Variants in GABRG1 observed in about 807,000 individuals in gnomAD.
The protein encoded by GABRG1 is gamma-aminobutyric acid receptor subunit gamma-1.
GABRG1 carries 49 observed loss-of-function variants against 49.8 expected under a neutral mutation model. The ratio of observed to expected loss-of-function variants is 0.98; its 90% CI spans 0.78 to 1.25. GABRG1 has a LOEUF of 1.25. GABRG1 is among the 50% of genes most tolerant of loss of function. GABRG1 has a pLI of 0.00. For synonymous variants in GABRG1, 232 were observed against 185.1 expected (o/e 1.25, Z -2.06); for missense variants, 552 against 552.3 (o/e 1.00, Z 0.01).
chr4:46,044,247 C>A (rs1481954533), intron 8 of GABRG1, among the ~76,000 whole-genome samples: 2 of 151,898 alleles, frequency 1.3e-5, no homozygotes, highest in African/African-American at 2.4e-5. Context: ...CCAAGGTGGG[C>A]AGATTTCTTG....
At position 46,098,925 on chromosome 4, in the gene GABRG1, T is replaced by G. The variant is rs1366828596; in HGVS notation, c.105-1576A>C. Among the ~76,000 whole-genome samples the G allele has an allele frequency of 4.0e-5, 6 of 151,748 alleles. No individual in the cohort carries two copies. The East Asian group carries it at 9.7e-4, about 25-fold the overall frequency. On this transcript the variant is annotated intron_variant, in intron 1 of 8. Transcript: ENST00000295452. Reference sequence around the variant, plus strand: ...TTGCTTTTCGTGAAAATATTTTTGTTAAGATGCTTATGAAGATGCTTGTGA... The same window carrying G: ...TTGCTTTTCGTGAAAATATTTTTGTGAAGATGCTTATGAAGATGCTTGTGA...
intron 5 of GABRG1, among the ~76,000 whole-genome samples, chr4:46,060,894 A>G (rs1032666034): frequency 6.6e-5 from 10 of 152,118 alleles, no homozygotes; most frequent in African/African-American, 1.9e-4. Context: ...GAATCTCATG[A>G]TATTAATTTT....
At chr4:46,088,964 G>T (rs1157405940) in intron 2 of GABRG1, among the ~76,000 whole-genome samples, 1 of 151,880 alleles carries the variant, frequency 6.6e-6, no homozygotes, top group African/African-American at 2.4e-5. Context: ...CAGGGAAAAG[G>T]AAAAATAGAA....
chr4:46,105,040 C>T (rs1049955557), intron 1 of GABRG1, among the ~76,000 whole-genome samples: 7 of 151,292 alleles, frequency 4.6e-5, no homozygotes, highest in Admixed American at 1.3e-4. Context: ...AAAGTGGGCA[C>T]GCTATCCTTC....
At chr4:46,059,048 ATAT>A (rs1278827998) in intron 5 of GABRG1, among the ~76,000 whole-genome samples, 3 of 152,040 alleles carry the variant, frequency 2.0e-5, no homozygotes, top group Non-Finnish European at 2.9e-5. Context: ...ATTCTTTGGC[ATAT>A]TATTTTTTTC....
At chr4:46,082,050 G>C (rs1719594865) in intron 3 of GABRG1, among the ~76,000 whole-genome samples, 1 of 151,838 alleles carries the variant, frequency 6.6e-6, no homozygotes, top group Non-Finnish European at 1.5e-5. Context: ...AAGCGAAGGA[G>C]AGGAGTAGAA....
At chr4:46,104,047 T>C (rs1226476439) in intron 1 of GABRG1, among the ~76,000 whole-genome samples, 3 of 151,268 alleles carry the variant, frequency 2.0e-5, no homozygotes, top group African/African-American at 7.3e-5. Context: ...CTCCTTATAT[T>C]AAAAAATAAG....
At position 46,081,793 on chromosome 4, in the gene GABRG1, T is replaced by C. The variant is rs147878261; in HGVS notation, c.321+2193A>G. 5.2e-3 allele frequency among the ~76,000 whole-genome samples: 785 copies of C among 151,718 alleles called. 20 individuals carry two copies. Among genetic ancestry groups the C allele is most frequent in the Admixed American group, 0.042 (640 of 15,138 alleles). ...TAAAGTCAACATGCGGCTTTTAGGG[T>C]GGGCCCTAATACAATATGACTTGTG... is the stretch of plus-strand genomic sequence containing the variant. On this transcript the variant is annotated intron_variant, in intron 3 of 8. Coordinates refer to ENST00000295452, the MANE Select transcript of GABRG1 (RefSeq NM_173536.4).
intron 3 of GABRG1, among the ~76,000 whole-genome samples, chr4:46,083,692 A>G (rs1333406858): frequency 6.8e-6 from 1 of 146,274 alleles, no homozygotes; most frequent in Non-Finnish European, 1.5e-5. Flanking sequence ...AGACTTCCTG[A>G]TTTTTTTTCT....
chr4:46,083,112 A>G (rs900755306), intron 3 of GABRG1, among the ~76,000 whole-genome samples: 10 of 151,496 alleles, frequency 6.6e-5, no homozygotes, highest in African/African-American at 2.4e-4. Flanking sequence ...TCTGATAATG[A>G]CTCTACCATC....
chr4:46,099,621 C>G (rs951765535), intron 1 of GABRG1, among the ~76,000 whole-genome samples: 3 of 151,646 alleles, frequency 2.0e-5, no homozygotes, highest in African/African-American at 7.3e-5. Flanking sequence ...TTCCAAATCT[C>G]ACCAGTTTCT....
At position 46,040,957 on chromosome 4, in the gene GABRG1, C is replaced by A. The variant is rs1458873775; in HGVS notation, c.*31G>T. 6.3e-7 allele frequency: 1 copy of A among 1,586,122 alleles called. No individual in the cohort carries two copies. The highest frequency in any genetic ancestry group is 1.8e-5 in the Admixed American group (1 of 55,970). ...AAAGATTCTACTGAATTTAGTCAGA[C>A]TTCTTTTGATTTTTGCTTATGAAGT... On this transcript the variant is annotated 3_prime_UTR_variant, in exon 9 of 9. Transcript: ENST00000295452.
At chr4:46,104,775 T>C (rs1720482442) in intron 1 of GABRG1, among the ~76,000 whole-genome samples, 1 of 151,424 alleles carries the variant, frequency 6.6e-6, no homozygotes, top group African/African-American at 2.4e-5. Flanking sequence ...GCATCCAGCA[T>C]TTCTGGATGC....
intron 3 of GABRG1, 65 bp from the exon 4 acceptor site, chr4:46,065,649 T>C: frequency 2.6e-6 from 2 of 757,714 alleles, no homozygotes; most frequent in South Asian, 3.6e-5. Flanking sequence ...TTCTCGAAAG[T>C]TTGAATTTTT....
chr4:46,108,625 A>C (rs560400909), intron 1 of GABRG1, among the ~76,000 whole-genome samples: 83 of 148,270 alleles, frequency 5.6e-4, no homozygotes, highest in African/African-American at 2.0e-3. Flanking sequence ...TGAGCGTGGG[A>C]TTTTTTTTTT....
rs1394426964 is a variant in GABRG1, at chr4:46,045,419, C to T, written c.1132-4165G>A. 2.0e-5 allele frequency among the ~76,000 whole-genome samples: 3 copies of T among 151,868 alleles called. No individual in the cohort carries two copies. In the East Asian group the frequency reaches 5.8e-4, roughly 29 times the overall value. On this transcript the variant is annotated intron_variant, in intron 8 of 8. Coordinates refer to ENST00000295452, the MANE Select transcript of GABRG1 (RefSeq NM_173536.4). ...TGAACCTAAGAAGTCAAAAATCTAACTACCAGTAGTTTCCAAGGAGAAAAT... is the reference window on the plus strand; with the variant it reads ...TGAACCTAAGAAGTCAAAAATCTAATTACCAGTAGTTTCCAAGGAGAAAAT...
chr4:46,038,756 A>T lies in GABRG1; in HGVS notation c.*2232T>A, dbSNP rs954158397. The T allele has an allele frequency of 6.6e-6, 1 of 151,714 alleles. No individual in the cohort carries two copies. Among genetic ancestry groups the T allele is most frequent in the African/African-American group, 2.4e-5 (1 of 41,424 alleles). The allele number at this position is 151,714 out of a possible 1,614,324, so 9.4% of individuals were successfully genotyped here. A position where few individuals can be genotyped will look rare whatever the true frequency, so the allele number is the denominator to read the frequency against. ...CTGATCACACATTTAAATAAAACTG[A>T]TCAAAATACCACTTGCTTTGAAAAC... On this transcript the variant is annotated 3_prime_UTR_variant, in exon 9 of 9. Coordinates refer to ENST00000295452, the MANE Select transcript of GABRG1 (RefSeq NM_173536.4).
intron 3 of GABRG1, among the ~76,000 whole-genome samples, chr4:46,070,810 G>A (rs759573517): frequency 2.0e-5 from 3 of 151,998 alleles, no homozygotes; most frequent in African/African-American, 7.2e-5. Context: ...TCTTCCTAGA[G>A]GAACCTCAGT....
At chr4:46,076,755 T>C (rs539523818) in intron 3 of GABRG1, among the ~76,000 whole-genome samples, 53 of 151,766 alleles carry the variant, frequency 3.5e-4, no homozygotes, top group African/African-American at 1.3e-3. Flanking sequence ...ACTAAAAAAA[T>C]TGTAACCAAT....
Sources: allele counts gnomAD v4.1 joint callset (sites outside exome capture counted in the v4.1 genomes callset), GRCh38; gene constraint gnomAD v4.1.1; transcripts MANE v1.5; gene names NCBI Gene and HGNC (gene_info 2026-07-23, HGNC 2026-07-21).